The following ZNF474 variants were observed in gnomAD, a reference collection of about 807,000 sequenced individuals.
ZNF474 encodes zinc finger protein 474.
For missense variants in ZNF474, 511 were observed against 433.8 expected (o/e 1.18, Z -1.58); for synonymous variants, 192 against 162.2 (o/e 1.18, Z -1.39).
intron 1 of ZNF474, among the ~76,000 whole-genome samples, chr5:122,134,001 C>T (rs1755639204): frequency 1.3e-5 from 2 of 152,108 alleles, no homozygotes; most frequent in African/African-American, 4.8e-5. Flanking sequence ...CTCATTTTCC[C>T]AGACTATCTG....
intron 1 of ZNF474, among the ~76,000 whole-genome samples, chr5:122,142,917 T>G (rs1245425899): frequency 6.6e-6 from 1 of 152,132 alleles, no homozygotes; most frequent in Non-Finnish European, 1.5e-5. Flanking sequence ...GCACATTGAT[T>G]CATGCACACA....
intron 1 of ZNF474, among the ~76,000 whole-genome samples, chr5:122,145,145 C>T (rs1755955060): frequency 6.6e-6 from 1 of 152,078 alleles, no homozygotes; most frequent in African/African-American, 2.4e-5. Flanking sequence ...ATTTCTTGAC[C>T]TAAAATTATT....
intron 1 of ZNF474, among the ~76,000 whole-genome samples, chr5:122,136,282 C>G (rs1755698227): frequency 6.6e-6 from 1 of 151,902 alleles, no homozygotes; most frequent in African/African-American, 2.4e-5. Context: ...ATTATGTATT[C>G]ATAATAATTA....
At chr5:122,148,335 C>T (rs1042158086) in intron 1 of ZNF474, among the ~76,000 whole-genome samples, 1 of 152,116 alleles carries the variant, frequency 6.6e-6, no homozygotes, top group Non-Finnish European at 1.5e-5. Context: ...TTCAGGAGAA[C>T]ATTGGAGAAG....
chr5:122,143,476 T>A (rs1755902751), intron 1 of ZNF474, among the ~76,000 whole-genome samples: 2 of 152,222 alleles, frequency 1.3e-5, no homozygotes, highest in Admixed American at 6.5e-5. Context: ...AATATGGTTA[T>A]CTGTGGATTT....
intron 1 of ZNF474, among the ~76,000 whole-genome samples, chr5:122,146,896 C>G (rs1249171309): frequency 6.6e-6 from 1 of 152,162 alleles, no homozygotes; most frequent in Non-Finnish European, 1.5e-5. Context: ...AGCAATTGTT[C>G]TCTTCTTCCT....
intron 1 of ZNF474, among the ~76,000 whole-genome samples, chr5:122,144,443 T>C (rs930379120): frequency 6.6e-6 from 1 of 152,182 alleles, no homozygotes; most frequent in Non-Finnish European, 1.5e-5. Context: ...CATCAGCTTA[T>C]GTTAGATGTT....
intron 1 of ZNF474, among the ~76,000 whole-genome samples, chr5:122,135,689 T>G (rs1190069293): frequency 6.6e-6 from 1 of 152,138 alleles, no homozygotes; most frequent in Non-Finnish European, 1.5e-5. Flanking sequence ...ATATCTGCAC[T>G]CCCATGTTTA....
chr5:122,133,138 G>A (rs1198588780), intron 1 of ZNF474, among the ~76,000 whole-genome samples: 1 of 152,078 alleles, frequency 6.6e-6, no homozygotes, highest in East Asian at 1.9e-4. Flanking sequence ...TATTTTTCAA[G>A]CCCATTAATA....
intron 1 of ZNF474, among the ~76,000 whole-genome samples, chr5:122,131,929 A>C (rs1362364314): frequency 1.3e-5 from 2 of 152,076 alleles, no homozygotes; most frequent in Non-Finnish European, 2.9e-5. Context: ...TTGACAAATG[A>C]TTATATCCAT....
intron 1 of ZNF474, among the ~76,000 whole-genome samples, chr5:122,143,602 C>T (rs1755906244): frequency 6.6e-6 from 1 of 152,082 alleles, no homozygotes; most frequent in South Asian, 2.1e-4. Context: ...GCAGTTCAAA[C>T]TAATTTATAG....
chr5:122,134,778 G>A (rs948388186), intron 1 of ZNF474, among the ~76,000 whole-genome samples: 1 of 152,084 alleles, frequency 6.6e-6, no homozygotes, highest in Non-Finnish European at 1.5e-5. Flanking sequence ...TCTTTAGAAG[G>A]GAGATGACTA....
intron 1 of ZNF474, among the ~76,000 whole-genome samples, chr5:122,150,486 C>T (rs778625464): frequency 1.3e-5 from 2 of 152,146 alleles, no homozygotes; most frequent in Non-Finnish European, 2.9e-5. Flanking sequence ...TCCATATTAC[C>T]AGGACTGCTG....
intron 1 of ZNF474, among the ~76,000 whole-genome samples, chr5:122,131,232 G>A (rs1465636645): frequency 1.3e-5 from 2 of 152,142 alleles, no homozygotes; most frequent in Non-Finnish European, 2.9e-5. Context: ...AGCCATTATG[G>A]ATTATGGAAA....
At chr5:122,149,799 G>A (rs374469970) in intron 1 of ZNF474, among the ~76,000 whole-genome samples, 40 of 152,158 alleles carry the variant, frequency 2.6e-4, no homozygotes, top group East Asian at 2.1e-3. Flanking sequence ...TACCTCTCTT[G>A]CCTTATCAAA....
At chr5:122,145,189 T>C (rs1282253748) in intron 1 of ZNF474, among the ~76,000 whole-genome samples, 1 of 152,210 alleles carries the variant, frequency 6.6e-6, no homozygotes, top group African/African-American at 2.4e-5. Context: ...AAGGAATTTT[T>C]TCATCAGTTA....
intron 1 of ZNF474, among the ~76,000 whole-genome samples, chr5:122,133,675 C>T (rs185458057): frequency 5.6e-4 from 85 of 152,220 alleles, no homozygotes; most frequent in African/African-American, 1.9e-3. Flanking sequence ...TCCTCCTACC[C>T]CAGTCCCCCA....
At chr5:122,129,984 C>G (rs528439392) in intron 1 of ZNF474, among the ~76,000 whole-genome samples, 1 of 152,102 alleles carries the variant, frequency 6.6e-6, no homozygotes, top group East Asian at 1.9e-4. Flanking sequence ...ATTAGATGTT[C>G]TAATACCTAA....
intron 1 of ZNF474, among the ~76,000 whole-genome samples, chr5:122,134,005 C>T (rs1235833037): frequency 1.3e-5 from 2 of 152,182 alleles, no homozygotes; most frequent in Admixed American, 6.5e-5. Flanking sequence ...TTTTCCCAGA[C>T]TATCTGGGTG....
Sources: gnomAD v4.1 joint callset for allele counts (sites outside exome capture counted in the v4.1 genomes callset) on GRCh38, gnomAD v4.1.1 for gene constraint, MANE v1.5 for transcripts, NCBI Gene and HGNC (gene_info 2026-07-23, HGNC 2026-07-21) for gene names.